Variants in RPH3A observed in about 807,000 individuals in gnomAD.
RPH3A encodes the protein rabphilin-3A.
In RPH3A, 48 loss-of-function variants were observed where a neutral mutation model predicts 102.2. That is an observed-to-expected ratio of 0.47 (90% CI 0.37 to 0.60). The LOEUF (loss-of-function observed/expected upper bound fraction) is 0.60. Ranked by LOEUF, RPH3A falls within the 20% of genes least tolerant of loss-of-function variation. The probability of loss-of-function intolerance (pLI) is 0.00; values close to 1 mark genes in which losing one functional copy is unlikely to be tolerated. For missense variants in RPH3A, 781 were observed against 910.1 expected, an observed-to-expected ratio of 0.86 and a Z score of 1.83; for synonymous variants, 310 against 324.3, an observed-to-expected ratio of 0.96 and a Z score of 0.47.
chr12:112,657,308 GTTGT>G (rs1047009407), intron 1 of RPH3A, among the ~76,000 whole-genome samples: 21 of 151,280 alleles, frequency 1.4e-4, no homozygotes, highest in African/African-American at 5.1e-4. Flanking sequence ...TTCTTGTTGA[GTTGT>G]TTGAGTTTCT....
intron 1 of RPH3A, among the ~76,000 whole-genome samples, chr12:112,608,008 G>A (rs537691159): frequency 4.6e-5 from 7 of 152,166 alleles, no homozygotes; most frequent in African/African-American, 1.7e-4. Context: ...CAAAGGGGAT[G>A]ATTTGCTGTT....
At chr12:112,876,582 G>T in intron 12 of RPH3A, 60 bp from the exon 13 acceptor site, 1 of 1,220,898 alleles carries the variant, frequency 8.2e-7, no homozygotes, top group Non-Finnish European at 1.1e-6. Context: ...AATGTCCCTA[G>T]GTGCTGCTGT....
At chr12:112,687,361 C>T (rs775967496) in intron 1 of RPH3A, among the ~76,000 whole-genome samples, 1 of 152,118 alleles carries the variant, frequency 6.6e-6, no homozygotes, top group African/African-American at 2.4e-5. Context: ...GATCTCCACA[C>T]TCTGGGATGC....
intron 1 of RPH3A, among the ~76,000 whole-genome samples, chr12:112,632,276 T>C (rs572736787): frequency 6.6e-6 from 1 of 152,312 alleles, no homozygotes; most frequent in East Asian, 1.9e-4. Flanking sequence ...GTCTCAGGTA[T>C]GTCTTTATCA....
chr12:112,629,691 G>T (rs1469950797), intron 1 of RPH3A, among the ~76,000 whole-genome samples: 2 of 151,430 alleles, frequency 1.3e-5, no homozygotes, highest in African/African-American at 4.9e-5. Context: ...TGCCCGGGCT[G>T]GTCTGAAACC....
chr12:112,589,899 G>A (rs1223752631), intron 1 of RPH3A, among the ~76,000 whole-genome samples: 3 of 152,050 alleles, frequency 2.0e-5, no homozygotes, highest in Non-Finnish European at 4.4e-5. Flanking sequence ...CTTGGCCAAC[G>A]TAGTGAAATT....
rs769761490 is a variant in RPH3A at position 112,868,592 on chromosome 12, C to T, written c.607C>T (p.Arg203Ter). Reference sequence around the variant, plus strand: ...CAAGCACCCTGCCCGGGCTCCAGCTCGAGGTAGGACAAAACAGGTGCTTCT... The same window carrying T: ...CAAGCACCCTGCCCGGGCTCCAGCTTGAGGTAGGACAAAACAGGTGCTTCT... ...EPKHPARAPA[R>*]GDSEDRRGPG... Residue 203 changes from arginine to a stop codon, truncating the protein, a stop_gained, in exon 8 of 22, where the codon CGA (arginine) becomes TGA (stop). Coordinates refer to ENST00000389385, the MANE Select transcript of RPH3A (RefSeq NM_001143854.2). LOFTEE classifies it high-confidence loss of function. 15 of 1,613,624 alleles carry T rather than the reference C, an allele frequency of 9.3e-6. No homozygotes were observed. The highest frequency in any genetic ancestry group is 1.3e-5 in the Non-Finnish European group (15 of 1,179,802).
At chr12:112,720,932 T>A (rs1035773252) in intron 1 of RPH3A, among the ~76,000 whole-genome samples, 1 of 152,212 alleles carries the variant, frequency 6.6e-6, no homozygotes, top group Non-Finnish European at 1.5e-5. Flanking sequence ...TCACAGTGTG[T>A]AGAGCTTGGG....
intron 1 of RPH3A, among the ~76,000 whole-genome samples, chr12:112,775,459 C>T (rs1248158435): frequency 6.6e-6 from 1 of 152,086 alleles, no homozygotes; most frequent in Non-Finnish European, 1.5e-5. Context: ...ATGTGTATGT[C>T]AGTAGAGAGA....
intron 2 of RPH3A, among the ~76,000 whole-genome samples, chr12:112,827,549 C>T (rs1010182859): frequency 2.1e-4 from 32 of 152,150 alleles, no homozygotes; most frequent in African/African-American, 7.7e-4. Context: ...GAGTCAATTG[C>T]ATTAAGTCAG....
intron 5 of RPH3A, among the ~76,000 whole-genome samples, chr12:112,856,550 G>A (rs769819373): frequency 3.3e-5 from 5 of 151,964 alleles, no homozygotes; most frequent in Non-Finnish European, 5.9e-5. Context: ...CTACAGGCGT[G>A]CCTGTGGATA....
chr12:112,750,906 T>C (rs12306471), intron 1 of RPH3A, among the ~76,000 whole-genome samples: 15,414 of 152,134 alleles, frequency 0.1, 862 homozygotes, highest in Middle Eastern at 0.15. Flanking sequence ...TCTCTCCCCT[T>C]GTATGGACCT....
At chr12:112,692,457 A>C (rs1271849605) in intron 1 of RPH3A, among the ~76,000 whole-genome samples, 3 of 152,250 alleles carry the variant, frequency 2.0e-5, no homozygotes, top group Non-Finnish European at 4.4e-5. Context: ...CAATTAAAAT[A>C]AAAGAAATTG....
At position 112,839,305 on chromosome 12, in the gene RPH3A, C is replaced by CT. The variant is rs141064239; in HGVS notation, c.83+2811dup. 8.0e-3 allele frequency among the ~76,000 whole-genome samples: 1,210 copies of CT among 151,662 alleles called. 8 individuals carry two copies. Among genetic ancestry groups the CT allele is most frequent in the Non-Finnish European group, 0.013 (891 of 67,938 alleles). ...GGTAGGAAGTCTAACAAGTTTCACT[C>CT]TTTTTTTTCTTTTTTTTTGCCATGG... On this transcript the variant is annotated intron_variant, in intron 4 of 21. Transcript: ENST00000389385.
At chr12:112,850,667 C>A (rs1468483762) in intron 5 of RPH3A, 1 of 152,200 alleles carries the variant, frequency 6.6e-6, no homozygotes, top group East Asian at 1.9e-4. Context: ...TAAACTCAAA[C>A]CTGCCCTGAT....
At chr12:112,883,205 A>T in intron 15 of RPH3A, 88 bp from the exon 16 acceptor site, 1 of 955,938 alleles carries the variant, frequency 1.0e-6, no homozygotes, top group Non-Finnish European at 1.7e-6. Context: ...AAAGCCACCC[A>T]CCCACCCCAC....
At chr12:112,585,322 A>G (rs1445308583) in intron 1 of RPH3A, among the ~76,000 whole-genome samples, 1 of 152,186 alleles carries the variant, frequency 6.6e-6, no homozygotes, top group African/African-American at 2.4e-5. Context: ...GCATCCTTCA[A>G]TCCAAGTCAG....
Position 112,896,999 on chromosome 12 carries a change from C to A in RPH3A, c.*219C>A. 1 of 535,496 alleles carries A rather than the reference C, an allele frequency of 1.9e-6. No homozygotes were observed. Among genetic ancestry groups the A allele is most frequent in the Non-Finnish European group, 3.3e-6 (1 of 298,730 alleles). The allele number at this position is 535,496 out of a possible 1,614,324, so 33.2% of individuals were successfully genotyped here. A position where few individuals can be genotyped will look rare whatever the true frequency, so the allele number is the denominator to read the frequency against. On this transcript the variant is annotated 3_prime_UTR_variant, in exon 22 of 22. Coordinates refer to ENST00000389385, the MANE Select transcript of RPH3A (RefSeq NM_001143854.2). ...GCTCTGAATACAGCCCCTCTCTCATCCCTGGGATGGAGCAATGGGGATGGG... is the reference window on the plus strand; with the variant it reads ...GCTCTGAATACAGCCCCTCTCTCATACCTGGGATGGAGCAATGGGGATGGG...
At chr12:112,657,726 T>G (rs929859584) in intron 1 of RPH3A, among the ~76,000 whole-genome samples, 1 of 152,000 alleles carries the variant, frequency 6.6e-6, no homozygotes, top group Admixed American at 6.6e-5. Flanking sequence ...AAAAACAAAA[T>G]GAATAAATAA....
Sources: allele counts gnomAD v4.1 joint callset (sites outside exome capture counted in the v4.1 genomes callset), GRCh38; gene constraint gnomAD v4.1.1; transcripts MANE v1.5; gene names NCBI Gene and HGNC (gene_info 2026-07-23, HGNC 2026-07-21).